The following ARHGAP15 variants were observed in gnomAD, a reference collection of about 807,000 sequenced individuals.
The protein encoded by ARHGAP15 is Rho GTPase activating protein 15.
ARHGAP15 carries 51 observed loss-of-function variants against 63.7 expected under a neutral mutation model. That is an observed-to-expected ratio of 0.80 (90% CI 0.64 to 1.01). The LOEUF is 1.01. Among genes scored for constraint, ARHGAP15 ranks in the 50% least tolerant of loss-of-function variants. The probability of loss-of-function intolerance (pLI) is 0.00; values close to 1 mark genes in which losing one functional copy is unlikely to be tolerated. For missense variants in ARHGAP15, 560 were observed against 564.6 expected (o/e 0.99, Z 0.08); for synonymous variants, 191 against 193.8 (o/e 0.99, Z 0.12).
At chr2:143,138,611 G>A (rs1689239672) in intron 1 of ARHGAP15, among the ~76,000 whole-genome samples, 1 of 152,046 alleles carries the variant, frequency 6.6e-6, no homozygotes, top group African/African-American at 2.4e-5. Flanking sequence ...CCATACTGCA[G>A]GTGTCTTTCC....
At chr2:143,689,765 T>C (rs1051733310) in intron 12 of ARHGAP15, among the ~76,000 whole-genome samples, 2 of 152,168 alleles carry the variant, frequency 1.3e-5, no homozygotes, top group African/African-American at 4.8e-5. Flanking sequence ...TCCTAAAGAA[T>C]TTTGCCAGTC....
intron 9 of ARHGAP15, among the ~76,000 whole-genome samples, chr2:143,507,222 C>A (rs1224733119): frequency 6.6e-6 from 1 of 152,078 alleles, no homozygotes. Flanking sequence ...ATTAGTCCTA[C>A]CTTCTCTTTA....
At chr2:143,619,086 T>G (rs1273364026) in intron 11 of ARHGAP15, among the ~76,000 whole-genome samples, 1 of 152,104 alleles carries the variant, frequency 6.6e-6, no homozygotes, top group Non-Finnish European at 1.5e-5. Context: ...GTGCTGGTAT[T>G]ACAGGCATGA....
intron 6 of ARHGAP15, among the ~76,000 whole-genome samples, chr2:143,300,396 T>C (rs982701530): frequency 1.3e-5 from 2 of 152,034 alleles, no homozygotes; most frequent in African/African-American, 4.8e-5. Context: ...TTACATATGG[T>C]TTCAAGTTAT....
chr2:143,700,718 A>G (rs1684050433), intron 12 of ARHGAP15, among the ~76,000 whole-genome samples: 1 of 152,198 alleles, frequency 6.6e-6, no homozygotes, highest in African/African-American at 2.4e-5. Flanking sequence ...ACACGCATAT[A>G]TACACACACA....
intron 12 of ARHGAP15, among the ~76,000 whole-genome samples, chr2:143,638,945 G>A (rs751988559): frequency 6.6e-6 from 1 of 151,826 alleles, no homozygotes; most frequent in Non-Finnish European, 1.5e-5. Context: ...ATACTCCTTT[G>A]TGGTTACTAT....
intron 13 of ARHGAP15, among the ~76,000 whole-genome samples, chr2:143,722,185 A>ACACACT (rs1685091350): frequency 6.6e-6 from 1 of 151,072 alleles, no homozygotes; most frequent in African/African-American, 2.4e-5. Context: ...ACACACACAC[A>ACACACT]CACACTCACA....
At chr2:143,647,186 A>C (rs1680921241) in intron 12 of ARHGAP15, among the ~76,000 whole-genome samples, 1 of 152,006 alleles carries the variant, frequency 6.6e-6, no homozygotes, top group Admixed American at 6.6e-5. Context: ...CTAGAGTATG[A>C]TATTGCTAAT....
chr2:143,352,248 T>TA (rs1032716318), intron 6 of ARHGAP15, among the ~76,000 whole-genome samples: 2 of 152,224 alleles, frequency 1.3e-5, no homozygotes, highest in Non-Finnish European at 2.9e-5. Flanking sequence ...AACATTTGTT[T>TA]AAAGAGCTTT....
At chr2:143,568,332 C>A (rs1402832355) in intron 11 of ARHGAP15, among the ~76,000 whole-genome samples, 3 of 151,990 alleles carry the variant, frequency 2.0e-5, no homozygotes, top group East Asian at 3.8e-4. Context: ...AAGAAAAAAA[C>A]CCCATCAAAA....
chr2:143,637,302 A>AT (rs1026308505), intron 12 of ARHGAP15, among the ~76,000 whole-genome samples: 1 of 152,002 alleles, frequency 6.6e-6, no homozygotes, highest in African/African-American at 2.4e-5. Context: ...AAAATATTTG[A>AT]TTTTTTCCTT....
chr2:143,261,999 T>C (rs900156869), intron 6 of ARHGAP15, among the ~76,000 whole-genome samples: 1 of 152,160 alleles, frequency 6.6e-6, no homozygotes, highest in African/African-American at 2.4e-5. Flanking sequence ...ATCTTGAGTT[T>C]CAGGCTGTTC....
At position 143,768,145 on chromosome 2, in the gene ARHGAP15, T is replaced by C; in HGVS notation, c.1401T>C (p.Ser467=). Residue 467 remains serine (S), a synonymous_variant, in exon 14 of 14, where the codon AGT becomes AGC. Coordinates refer to ENST00000295095, the MANE Select transcript of ARHGAP15 (RefSeq NM_018460.4). ...QIAELMLSEY[S]KIFGSEED ...CTGAGCTCATGCTGAGTGAGTACAG[T>C]AAGATCTTCGGCTCAGAGGAAGACT... is the stretch of plus-strand genomic sequence containing the variant. 6.2e-7 allele frequency: 1 copy of C among 1,613,606 alleles called. No homozygotes were observed. The highest frequency in any genetic ancestry group is 8.5e-7 in the Non-Finnish European group (1 of 1,179,652).
At chr2:143,650,567 C>CAAT (rs1681112052) in intron 12 of ARHGAP15, among the ~76,000 whole-genome samples, 2 of 151,894 alleles carry the variant, frequency 1.3e-5, no homozygotes, top group Non-Finnish European at 2.9e-5. Flanking sequence ...GTACTGCACC[C>CAAT]ACTAAGTATT....
At chr2:143,688,926 C>T (rs1683471376) in intron 12 of ARHGAP15, among the ~76,000 whole-genome samples, 1 of 152,090 alleles carries the variant, frequency 6.6e-6, no homozygotes, top group Admixed American at 6.6e-5. Flanking sequence ...TAGTATACCA[C>T]CTCGATAATA....
At chr2:143,362,853 T>G (rs1173350501) in intron 6 of ARHGAP15, among the ~76,000 whole-genome samples, 2 of 152,204 alleles carry the variant, frequency 1.3e-5, no homozygotes, top group African/African-American at 4.8e-5. Context: ...TCTGCTTTTT[T>G]CTGTCTCCAT....
intron 6 of ARHGAP15, among the ~76,000 whole-genome samples, chr2:143,260,872 T>C (rs1307188622): frequency 6.6e-6 from 1 of 152,178 alleles, no homozygotes. Context: ...TCCATTCTAC[T>C]CACATTTAGG....
At chr2:143,514,610 G>C (rs187185236) in intron 9 of ARHGAP15, among the ~76,000 whole-genome samples, 1 of 152,250 alleles carries the variant, frequency 6.6e-6, no homozygotes, top group African/African-American at 2.4e-5. Context: ...ATGTGAGTAA[G>C]CTATTGCTAC....
chr2:143,661,732 C>A (rs542435057), intron 12 of ARHGAP15, among the ~76,000 whole-genome samples: 1 of 152,178 alleles, frequency 6.6e-6, no homozygotes, highest in African/African-American at 2.4e-5. Flanking sequence ...GTGCGTGAGC[C>A]GAAGCAGGGT....
Sources: gnomAD v4.1 joint callset for allele counts (sites outside exome capture counted in the v4.1 genomes callset) on GRCh38, gnomAD v4.1.1 for gene constraint, MANE v1.5 for transcripts, NCBI Gene and HGNC (gene_info 2026-07-23, HGNC 2026-07-21) for gene names.